TTC17: variants seen among roughly 807,000 people sequenced by gnomAD.
TTC17 encodes tetratricopeptide repeat domain 17.
Under a neutral mutation model 143.8 loss-of-function variants are expected in TTC17, and 58 were observed. The observed-to-expected ratio is 0.40, with a 90% CI of 0.33 to 0.50. TTC17 has a LOEUF of 0.50. Among genes scored for constraint, TTC17 ranks in the 20% least tolerant of loss-of-function variants. TTC17 has a pLI of 0.49. For synonymous variants in TTC17, 501 were observed against 497.8 expected (o/e 1.01, Z -0.09); for missense variants, 1,273 against 1,392.5 (o/e 0.91, Z 1.37).
chr11:43,425,478 A>AT (rs1326911256), intron 16 of TTC17, among the ~76,000 whole-genome samples: 3 of 152,090 alleles, frequency 2.0e-5, no homozygotes, highest in Admixed American at 6.5e-5. Flanking sequence ...GTTTTAGACT[A>AT]TTTTTTTAAA....
At chr11:43,470,187 C>T (rs1285937721) in intron 21 of TTC17, among the ~76,000 whole-genome samples, 5 of 152,150 alleles carry the variant, frequency 3.3e-5, no homozygotes, top group Admixed American at 2.0e-4. Flanking sequence ...TTAGATAGTC[C>T]TAGGACCAGT....
At chr11:43,476,711 G>C (rs893637449) in intron 21 of TTC17, among the ~76,000 whole-genome samples, 1 of 152,196 alleles carries the variant, frequency 6.6e-6, no homozygotes, top group African/African-American at 2.4e-5. Flanking sequence ...ACGCAGCACG[G>C]GGACCCTGGG....
At chr11:43,452,433 G>A (rs535788340) in intron 21 of TTC17, among the ~76,000 whole-genome samples, 5 of 152,200 alleles carry the variant, frequency 3.3e-5, no homozygotes, top group South Asian at 2.1e-4. Flanking sequence ...CCCAGGAGGC[G>A]GAGGTTGCAG....
chr11:43,375,334 G>A (rs909884132), intron 1 of TTC17, among the ~76,000 whole-genome samples: 1 of 152,102 alleles, frequency 6.6e-6, no homozygotes, highest in Non-Finnish European at 1.5e-5. Flanking sequence ...CCACAGGGGG[G>A]ACTTATGGAT....
In TTC17 at chr11:43,475,759, A is replaced by G. The variant is rs1369135264; in HGVS notation, c.3031-14480A>G. On this transcript the variant is annotated intron_variant, in intron 21 of 23. Coordinates refer to ENST00000039989, the MANE Select transcript of TTC17 (RefSeq NM_018259.6). ...CTCAAAAAGTTTGGGATTTTGGAGCATATCAAATTTGGGATTTTCAGATTA... is the reference window on the plus strand; with the variant it reads ...CTCAAAAAGTTTGGGATTTTGGAGCGTATCAAATTTGGGATTTTCAGATTA... 3.3e-5 allele frequency among the ~76,000 whole-genome samples: 5 copies of G among 152,246 alleles called. No individual in the cohort carries two copies. In the South Asian group the frequency reaches 8.3e-4, roughly 25 times the overall value.
In TTC17 at chr11:43,494,041, T is replaced by A. The variant is rs1163781367; in HGVS notation, c.*137T>A. The A allele has an allele frequency of 2.5e-5, 31 of 1,259,606 alleles. No individual in the cohort carries two copies. Among genetic ancestry groups the A allele is most frequent in the Non-Finnish European group, 3.1e-5 (29 of 942,216 alleles). The allele number at this position is 1,259,606 out of a possible 1,614,324, so 78.0% of individuals were successfully genotyped here. A position where few individuals can be genotyped will look rare whatever the true frequency, so the allele number is the denominator to read the frequency against. On this transcript the variant is annotated 3_prime_UTR_variant, in exon 24 of 24. Transcript: ENST00000039989. ...AGACTTATAACAGGACTTTTACATA[T>A]GTGGGAATTGGTTTGTTTTTGTTTT...
chr11:43,363,690 AAG>A (rs1399159059), intron 1 of TTC17, among the ~76,000 whole-genome samples: 1 of 152,216 alleles, frequency 6.6e-6, no homozygotes, highest in African/African-American at 2.4e-5. Context: ...TACAACTCCT[AAG>A]AGAGAAAGTC....
In TTC17 at chr11:43,493,788, G is replaced by A; in HGVS notation, c.3310G>A (p.Ala1104Thr). 6.2e-7 allele frequency: 1 copy of A among 1,614,072 alleles called. No homozygotes were observed. The highest frequency in any genetic ancestry group is 1.3e-5 in the African/African-American group (1 of 75,018). ...GCCCTCACAGGAAGAATTTGAAAAAGCACTGGTGTGGTATGAATCCACATT... is the reference window on the plus strand; with the variant it reads ...GCCCTCACAGGAAGAATTTGAAAAAACACTGGTGTGGTATGAATCCACATT... ...VYVAMEEFEK[A>T]LVWYESTLKL... is the part of the protein sequence containing the mutation. Residue 1104 changes from alanine (A) to threonine (T), a missense_variant, in exon 24 of 24, where the codon GCA becomes ACA. Coordinates refer to ENST00000039989, the MANE Select transcript of TTC17 (RefSeq NM_018259.6).
chr11:43,466,691 T>A (rs1349323311), intron 21 of TTC17: 1 of 371,198 alleles, frequency 2.7e-6, no homozygotes, highest in African/African-American at 2.1e-5. Flanking sequence ...TGGCAAATGC[T>A]GCACCCAAAA....
At chr11:43,416,192 C>A (rs1236792653) in intron 16 of TTC17, among the ~76,000 whole-genome samples, 1 of 151,994 alleles carries the variant, frequency 6.6e-6, no homozygotes, top group Non-Finnish European at 1.5e-5. Context: ...TTTAATTCTA[C>A]TGCATCTTCT....
At chr11:43,489,375 T>C (rs78219482) in intron 21 of TTC17, among the ~76,000 whole-genome samples, 3,432 of 152,288 alleles carry the variant, frequency 0.023, 46 homozygotes, top group Non-Finnish European at 0.035. Flanking sequence ...CCTAAGAGTT[T>C]AGTAACAAAC....
rs1037419256 is a variant in TTC17 at position 43,396,743 on chromosome 11, C to T, written c.698C>T (p.Ser233Leu). ...TSSWVLYNMA[S>L]FYWRIKNEPY... ...TCGTGGGTACTGTATAACATGGCTTCATTTTACTGGAGAATTAAGAATGAG... is the reference window on the plus strand; with the variant it reads ...TCGTGGGTACTGTATAACATGGCTTTATTTTACTGGAGAATTAAGAATGAG... The change falls in exon 6 of 24, where the codon TCA becomes TTA. Residue 233 changes from serine (S) to leucine (L), a missense_variant. Coordinates refer to ENST00000039989, the MANE Select transcript of TTC17 (RefSeq NM_018259.6). The T allele has an allele frequency of 6.2e-7, 1 of 1,609,248 alleles. No individual in the cohort carries two copies. Among genetic ancestry groups the T allele is most frequent in the Non-Finnish European group, 8.5e-7 (1 of 1,176,470 alleles).
At chr11:43,461,014 T>C (rs1947854498) in intron 21 of TTC17, among the ~76,000 whole-genome samples, 1 of 152,224 alleles carries the variant, frequency 6.6e-6, no homozygotes, top group Non-Finnish European at 1.5e-5. Flanking sequence ...ACAAAGAATA[T>C]GTGTCCCATC....
intron 21 of TTC17, among the ~76,000 whole-genome samples, chr11:43,477,334 A>G (rs374411618): frequency 9.9e-5 from 15 of 152,178 alleles, no homozygotes; most frequent in East Asian, 9.6e-4. Context: ...TCAGTTCCAA[A>G]GTCACTTCCA....
chr11:43,484,832 G>A (rs1948352276), intron 21 of TTC17, among the ~76,000 whole-genome samples: 1 of 152,172 alleles, frequency 6.6e-6, no homozygotes, highest in Admixed American at 6.5e-5. Flanking sequence ...TAGGAATTGG[G>A]CTACACAGCA....
intron 2 of TTC17, among the ~76,000 whole-genome samples, chr11:43,383,533 T>G (rs1446316424): frequency 2.0e-5 from 3 of 151,472 alleles, no homozygotes; most frequent in African/African-American, 7.3e-5. Flanking sequence ...TTTTTTTTTT[T>G]TTGTATTTTT....
At chr11:43,427,479 G>A (rs1279909961) in intron 16 of TTC17, among the ~76,000 whole-genome samples, 3 of 152,056 alleles carry the variant, frequency 2.0e-5, no homozygotes, top group Admixed American at 1.3e-4. Flanking sequence ...ATGCTATTGC[G>A]GGTAGTTAAT....
intron 1 of TTC17, among the ~76,000 whole-genome samples, chr11:43,364,136 A>G (rs934762208): frequency 1.4e-5 from 2 of 141,556 alleles, no homozygotes; most frequent in Non-Finnish European, 3.0e-5. Context: ...GGCTCACTGC[A>G]ACCTCTGTCT....
At chr11:43,471,773 C>T (rs1478590404) in intron 21 of TTC17, among the ~76,000 whole-genome samples, 4 of 152,166 alleles carry the variant, frequency 2.6e-5, no homozygotes, top group Non-Finnish European at 4.4e-5. Flanking sequence ...AAGTTGCAAT[C>T]TCTAGGCTAA....
Sources: gnomAD v4.1 joint callset for allele counts (sites outside exome capture counted in the v4.1 genomes callset) on GRCh38, gnomAD v4.1.1 for gene constraint, MANE v1.5 for transcripts, NCBI Gene and HGNC (gene_info 2026-07-23, HGNC 2026-07-21) for gene names.